GOT2: variants seen among roughly 807,000 people sequenced by gnomAD.
GOT2 encodes the protein aspartate aminotransferase, mitochondrial.
Under a neutral mutation model 50.0 loss-of-function variants are expected in GOT2, and 17 were observed. The ratio of observed to expected loss-of-function variants is 0.34; its 90% CI spans 0.23 to 0.51. The LOEUF is 0.51. Among genes scored for constraint, GOT2 ranks in the 20% least tolerant of loss-of-function variants. The probability of loss-of-function intolerance (pLI) is 0.97; values close to 1 mark genes in which losing one functional copy is unlikely to be tolerated. For synonymous variants in GOT2, 172 were observed against 204.9 expected (o/e 0.84, Z 1.37); for missense variants, 430 against 559.6 (o/e 0.77, Z 2.34).
chr16:58,719,172 T>C, intron 4 of GOT2, 24 bp downstream of exon 4: 1 of 1,564,640 alleles, frequency 6.4e-7, no homozygotes, highest in Non-Finnish European at 8.8e-7. Context: ...TATAATTCTT[T>C]CCTGAAGAAG....
Position 58,716,049 on chromosome 16 carries a change from A to G in GOT2, c.984T>C (p.Ala328=), listed in dbSNP as rs769205132. The change falls in exon 8 of 10, where the codon GCT becomes GCC. Residue 328 remains alanine (A), a synonymous_variant. Transcript: ENST00000245206. ...GCAAATCTGGGGTGTTCAGAATGGC[A>G]GCAGCAATCCGGGCCCCATTGAGGG... ...NPPLNGARIA[A]AILNTPDLRK... is the part of the protein sequence containing the mutation. 6.2e-7 allele frequency: 1 copy of G among 1,613,382 alleles called. No homozygotes were observed. Among genetic ancestry groups the G allele is most frequent in the Non-Finnish European group, 8.5e-7 (1 of 1,179,842 alleles).
chr16:58,715,713 C>T (rs146890987), intron 8 of GOT2, among the ~76,000 whole-genome samples: 1,999 of 152,242 alleles, frequency 0.013, 38 homozygotes, highest in African/African-American at 0.046. Context: ...CCACCACATC[C>T]GGCTAATTTT....
chr16:58,730,206 T>C (rs530229735), intron 1 of GOT2, among the ~76,000 whole-genome samples: 1 of 152,252 alleles, frequency 6.6e-6, no homozygotes, highest in South Asian at 2.1e-4. Context: ...TGGGAGGTTT[T>C]TTTAACTTTT....
chr16:58,724,097 G>T (rs1247633996), intron 1 of GOT2, among the ~76,000 whole-genome samples, 195 bp from the exon 2 acceptor site: 1 of 151,796 alleles, frequency 6.6e-6, no homozygotes, highest in Non-Finnish European at 1.5e-5. Context: ...GGGATTACAG[G>T]CATGCATTAC....
At chr16:58,725,587 A>G (rs2044777393) in intron 1 of GOT2, among the ~76,000 whole-genome samples, 1 of 152,216 alleles carries the variant, frequency 6.6e-6, no homozygotes, top group Non-Finnish European at 1.5e-5. Context: ...TTATTTTTAC[A>G]TGCTCGAGAG....
rs79598940 is a variant in GOT2, at chr16:58,708,366, G to A, written c.1171-73C>T. ...CTCCCCGGCCTGACATGGCACAGTAGCCAACTTACCAACGCTCTATTTCCT... is the reference window on the plus strand; with the variant it reads ...CTCCCCGGCCTGACATGGCACAGTAACCAACTTACCAACGCTCTATTTCCT... On this transcript the variant is annotated intron_variant, in intron 9 of 9. Coordinates refer to ENST00000245206, the MANE Select transcript of GOT2 (RefSeq NM_002080.4). 4.4e-3 allele frequency: 6,329 copies of A among 1,444,024 alleles called. 23 individuals are homozygous for A. Among genetic ancestry groups the A allele is most frequent in the Non-Finnish European group, 5.2e-3 (5,415 of 1,049,502 alleles). The allele number at this position is 1,444,024 out of a possible 1,614,324, so 89.5% of individuals were successfully genotyped here.
rs575296115 is a variant in GOT2 at position 58,717,978 on chromosome 16, C to T, written c.702+218G>A. On this transcript the variant is annotated intron_variant, in intron 6 of 9. Coordinates refer to ENST00000245206, the MANE Select transcript of GOT2 (RefSeq NM_002080.4). ...CTGGGATTACAGGCGTGAGCCACCG[C>T]GCCCAGCCAAAAAAAATTACTTTCA... is the stretch of plus-strand genomic sequence containing the variant. 9.8e-4 allele frequency among the ~76,000 whole-genome samples: 149 copies of T among 152,312 alleles called. 1 individual carries two copies. Among genetic ancestry groups the T allele is most frequent in the Admixed American group, 2.7e-3 (42 of 15,308 alleles).
intron 9 of GOT2, 99 bp from the exon 10 acceptor site, chr16:58,708,392 C>T (rs897986120): frequency 4.4e-6 from 5 of 1,144,430 alleles, no homozygotes; most frequent in East Asian, 2.5e-5. Flanking sequence ...TCTATTTCCT[C>T]GCTTAAAACC....
chr16:58,731,351 C>T (rs1032113179), intron 1 of GOT2, among the ~76,000 whole-genome samples: 2 of 152,030 alleles, frequency 1.3e-5, no homozygotes, highest in Non-Finnish European at 2.9e-5. Flanking sequence ...TGCCATGTTG[C>T]CCAGCTGGTC....
chr16:58,716,397 T>C, intron 7 of GOT2: 1 of 602,404 alleles, frequency 1.7e-6, no homozygotes, highest in Non-Finnish European at 2.8e-6. Context: ...TGTATCTATC[T>C]TCTTGGCTCA....
intron 3 of GOT2, 152 bp from the exon 4 acceptor site, chr16:58,719,407 GA>G (rs2044722591): frequency 1.8e-6 from 1 of 565,628 alleles, no homozygotes; most frequent in African/African-American, 1.9e-5. Flanking sequence ...GAAACTTTCA[GA>G]ACACAAAAAT....
At chr16:58,733,374 G>C (rs1225173927) in intron 1 of GOT2, among the ~76,000 whole-genome samples, 1 of 152,150 alleles carries the variant, frequency 6.6e-6, no homozygotes, top group Non-Finnish European at 1.5e-5. Context: ...GCCTGGCTCT[G>C]AGAAACTGCA....
rs762602029 is a variant in GOT2 at position 58,727,188 on chromosome 16, C to T, written c.90-3286G>A. On this transcript the variant is annotated intron_variant, in intron 1 of 9. Coordinates refer to ENST00000245206, the MANE Select transcript of GOT2 (RefSeq NM_002080.4). ...ACAAACAAAGAGATGGGTCTCACTC[C>T]GTCCCCCAGGCTGAAGTGCAGCCTT... Among the ~76,000 whole-genome samples the T allele has an allele frequency of 3.3e-5, 5 of 152,098 alleles. 1 individual carries two copies. The highest frequency in any genetic ancestry group is 7.2e-5 in the African/African-American group (3 of 41,506).
At chr16:58,716,898 G>A (rs537696770) in intron 6 of GOT2, 85 bp from the exon 7 acceptor site, 4 of 1,290,564 alleles carry the variant, frequency 3.1e-6, no homozygotes, top group Non-Finnish European at 4.4e-6. Context: ...ATGTTTATGT[G>A]AGGTGGGCAT....
At chr16:58,726,196 T>C (rs2044781925) in intron 1 of GOT2, among the ~76,000 whole-genome samples, 1 of 152,202 alleles carries the variant, frequency 6.6e-6, no homozygotes, top group Admixed American at 6.5e-5. Flanking sequence ...TTATTTTTTA[T>C]TTTTTTGAGA....
chr16:58,715,329 C>T (rs993786446), intron 8 of GOT2, among the ~76,000 whole-genome samples: 4 of 152,194 alleles, frequency 2.6e-5, no homozygotes, highest in Non-Finnish European at 5.9e-5. Context: ...TTCTACTTAA[C>T]ACGGAGATGA....
chr16:58,715,128 G>A (rs149525181), intron 8 of GOT2, among the ~76,000 whole-genome samples: 38 of 152,212 alleles, frequency 2.5e-4, no homozygotes, highest in African/African-American at 8.7e-4. Flanking sequence ...AGGATCATTT[G>A]AGCCCAGGAG....
Position 58,723,892 on chromosome 16 carries a change from T to C in GOT2, c.100A>G (p.Thr34Ala). The C allele has an allele frequency of 6.2e-7, 1 of 1,613,202 alleles. No homozygotes were observed. The highest frequency in any genetic ancestry group is 1.3e-5 in the African/African-American group (1 of 74,986). The stretch of plus-strand genomic sequence containing the variant: ...TCTGGAGGTCCCATTTCCACATGGG[T>C]CCACCAGGAGCTGAAATGAGAAACA... Reference protein sequence around the residue: ...AASARASSWWTHVEMGPPDPI... With the variant: ...AASARASSWWAHVEMGPPDPI... The change falls in exon 2 of 10, where the codon ACC becomes GCC. Residue 34 changes from threonine to alanine, a missense_variant. By Grantham distance (58) the Thr-to-Ala change is moderately conservative. Coordinates refer to ENST00000245206, the MANE Select transcript of GOT2 (RefSeq NM_002080.4).
At chr16:58,727,769 G>A (rs1167243501) in intron 1 of GOT2, among the ~76,000 whole-genome samples, 2 of 152,162 alleles carry the variant, frequency 1.3e-5, no homozygotes, top group African/African-American at 2.4e-5. Context: ...AGGCTGAAAG[G>A]AGGAGTAAAA....
Sources: allele counts gnomAD v4.1 joint callset (sites outside exome capture counted in the v4.1 genomes callset), GRCh38; gene constraint gnomAD v4.1.1; transcripts MANE v1.5; gene names NCBI Gene and HGNC (gene_info 2026-07-23, HGNC 2026-07-21).